Variants in DNAAF9 observed in about 807,000 individuals in gnomAD.
DNAAF9 encodes dynein axonemal assembly factor 9, also known as shulin.
In DNAAF9, 90 loss-of-function variants were observed where a neutral mutation model predicts 167.0. The ratio of observed to expected loss-of-function variants is 0.54; its 90% CI spans 0.45 to 0.64. The LOEUF is 0.64. Ranked by LOEUF, DNAAF9 falls within the 30% of genes least tolerant of loss-of-function variation. The pLI is 0.00. For missense variants in DNAAF9, 1,315 were observed against 1,442.2 expected, an observed-to-expected ratio of 0.91 and a Z score of 1.43; for synonymous variants, 491 against 508.8, an observed-to-expected ratio of 0.96 and a Z score of 0.47.
intron 27 of DNAAF9, among the ~76,000 whole-genome samples, chr20:3,284,064 T>C (rs2068807641): frequency 6.6e-6 from 1 of 152,024 alleles, no homozygotes; most frequent in South Asian, 2.1e-4. Flanking sequence ...GGGGAATCCC[T>C]GTTAGAACCT....
rs1188315134 is a variant in DNAAF9 at position 3,298,548 on chromosome 20, G to C, written c.1783-373C>G. 2.6e-5 allele frequency among the ~76,000 whole-genome samples: 4 copies of C among 152,102 alleles called. No homozygotes were observed. The East Asian group carries it at 7.8e-4, about 29-fold the overall frequency. On this transcript the variant is annotated intron_variant, in intron 21 of 36. Coordinates refer to ENST00000252032, the MANE Select transcript of DNAAF9 (RefSeq NM_001009984.3). ...TTGCCCAGGCTGGTCTCAAACTCCT[G>C]GTCTCAAGTGATCCTCCCACCTTGG...
intron 9 of DNAAF9, among the ~76,000 whole-genome samples, chr20:3,341,849 C>CT (rs1411379587): frequency 4.6e-5 from 7 of 152,122 alleles, no homozygotes; most frequent in Non-Finnish European, 1.5e-5. Flanking sequence ...GCGATCTCGG[C>CT]TCACTGCAAG....
At chr20:3,337,517 C>T (rs571152716) in intron 10 of DNAAF9, among the ~76,000 whole-genome samples, 7 of 151,124 alleles carry the variant, frequency 4.6e-5, no homozygotes, top group East Asian at 1.9e-4. Context: ...CTCCTGACCT[C>T]GTGAAGTATT....
In DNAAF9 at chr20:3,249,483, C is replaced by T. The variant is rs939386986; in HGVS notation, c.*3089G>A. The T allele has an allele frequency of 6.6e-6, 1 of 152,310 alleles. No individual in the cohort carries two copies. The highest frequency in any genetic ancestry group is 6.5e-5 in the Admixed American group (1 of 15,296). 9.4% of individuals were successfully genotyped at this position (152,310 alleles called of 1,614,324 possible). ...ACTATGATAAGCAAAAAGCTTCAAT[C>T]GCACAATTCAGTTTCACTGAAGTTA... On this transcript the variant is annotated 3_prime_UTR_variant, in exon 37 of 37. Transcript: ENST00000252032.
intron 1 of DNAAF9, among the ~76,000 whole-genome samples, chr20:3,394,048 T>C (rs1389879014): frequency 6.6e-6 from 1 of 152,154 alleles, no homozygotes; most frequent in Non-Finnish European, 1.5e-5. Context: ...ATTTTAAAAG[T>C]TGTATTGGGC....
chr20:3,317,360 CA>C (rs756394932), intron 17 of DNAAF9, among the ~76,000 whole-genome samples: 32,817 of 98,460 alleles, frequency 0.33, 4,471 homozygotes, highest in East Asian at 0.51. Flanking sequence ...GACCTTGTCT[CA>C]AAAAAAAAAA....
At chr20:3,272,995 T>A (rs376471746) in intron 29 of DNAAF9, among the ~76,000 whole-genome samples, 13 of 152,056 alleles carry the variant, frequency 8.5e-5, no homozygotes, top group African/African-American at 2.9e-4. Flanking sequence ...CATGCCGGGC[T>A]AATTTTATAT....
intron 20 of DNAAF9, among the ~76,000 whole-genome samples, chr20:3,312,911 G>A (rs930800290): frequency 8.5e-5 from 13 of 152,162 alleles, no homozygotes; most frequent in African/African-American, 2.9e-4. Flanking sequence ...AACAAAGAAA[G>A]TTTAAAATTT....
At chr20:3,294,007 C>A in intron 25 of DNAAF9, 132 bp downstream of exon 25, 1 of 650,044 alleles carries the variant, frequency 1.5e-6, no homozygotes, top group Non-Finnish European at 2.8e-6. Context: ...ATTTCAGGAT[C>A]CAAGGAAGTG....
At chr20:3,398,242 G>A (rs919200282) in intron 1 of DNAAF9, among the ~76,000 whole-genome samples, 3 of 152,066 alleles carry the variant, frequency 2.0e-5, no homozygotes, top group Non-Finnish European at 4.4e-5. Context: ...AGAAGCAGAC[G>A]AGAGACAGCA....
intron 12 of DNAAF9, among the ~76,000 whole-genome samples, chr20:3,329,508 T>C (rs1223419861): frequency 6.6e-6 from 1 of 152,240 alleles, no homozygotes; most frequent in Non-Finnish European, 1.5e-5. Flanking sequence ...CAGGAGGAAT[T>C]ATAGCTGATC....
chr20:3,381,551 G>A, intron 2 of DNAAF9, 53 bp from the exon 3 acceptor site: 2 of 1,563,008 alleles, frequency 1.3e-6, no homozygotes, highest in Non-Finnish European at 8.6e-7. Flanking sequence ...GGGAGCAAAT[G>A]AGCCAATAAT....
chr20:3,336,543 G>A (rs918238730), intron 10 of DNAAF9, among the ~76,000 whole-genome samples: 1 of 151,268 alleles, frequency 6.6e-6, no homozygotes, highest in African/African-American at 2.4e-5. Flanking sequence ...TTTTAAATTT[G>A]ACTACTGTTA....
At chr20:3,351,239 T>A (rs1568621860) in intron 7 of DNAAF9, among the ~76,000 whole-genome samples, 2 of 152,174 alleles carry the variant, frequency 1.3e-5, no homozygotes, top group African/African-American at 4.8e-5. Context: ...ATGCCTGTAA[T>A]CCCAGCACTC....
chr20:3,402,345 T>C (rs950564510), intron 1 of DNAAF9, among the ~76,000 whole-genome samples: 2 of 151,668 alleles, frequency 1.3e-5, no homozygotes, highest in Admixed American at 6.6e-5. Context: ...TAAATCTAGC[T>C]AATTAACAAA....
rs1277902860 is a variant in DNAAF9 at position 3,315,099 on chromosome 20, T to G, written c.1612A>C (p.Thr538Pro). The change falls in exon 20 of 37, where the codon ACT becomes CCT. Residue 538 changes from threonine to proline, a missense_variant. Coordinates refer to ENST00000252032, the MANE Select transcript of DNAAF9 (RefSeq NM_001009984.3). This position sits in a 1 kb window ranked among gnomAD's most constrained non-coding sequence, Gnocchi z 4.1. ...GCTCCTTCTCCTCCTGTTAGATAAG[T>G]GCCCAGGAAAGACTCATCCCCCTTT... ...AVRGDESFLG[T>P]YLTGGEGAYL... The G allele has an allele frequency of 4.3e-6, 7 of 1,609,484 alleles. No individual in the cohort carries two copies. Among genetic ancestry groups the G allele is most frequent in the Non-Finnish European group, 6.0e-6 (7 of 1,175,914 alleles).
At chr20:3,294,073 A>T in intron 25 of DNAAF9, 66 bp downstream of exon 25, 1 of 895,266 alleles carries the variant, frequency 1.1e-6, no homozygotes, top group Non-Finnish European at 1.9e-6. Flanking sequence ...GACACAAAAG[A>T]TTCAGGGGCA....
At chr20:3,362,657 C>T (rs2083379058) in intron 6 of DNAAF9, among the ~76,000 whole-genome samples, 1 of 152,152 alleles carries the variant, frequency 6.6e-6, no homozygotes, top group African/African-American at 2.4e-5. Context: ...TAGCACCCGC[C>T]CCCGCTGCTC....
chr20:3,299,505 T>C (rs946597661), intron 21 of DNAAF9, among the ~76,000 whole-genome samples: 4 of 152,012 alleles, frequency 2.6e-5, no homozygotes, highest in African/African-American at 9.7e-5. Context: ...AGAGATGGGG[T>C]TTTGCCATGT....
Sources: gnomAD v4.1 joint callset for allele counts (sites outside exome capture counted in the v4.1 genomes callset) on GRCh38, gnomAD v4.1.1 for gene constraint, Gnocchi (gnomAD v3.1) non-coding constraint, MANE v1.5 for transcripts, NCBI Gene and HGNC (gene_info 2026-07-23, HGNC 2026-07-21) for gene names.